FHIT: variants seen among roughly 807,000 people sequenced by gnomAD.
FHIT encodes fragile histidine triad diadenosine triphosphatase.
A neutral mutation model predicts 17.9 loss-of-function variants in FHIT; 19 were observed. That is an observed-to-expected ratio of 1.06 (90% CI 0.74 to 1.56). The LOEUF is 1.56. Among genes scored for constraint, FHIT ranks in the 40% most tolerant of loss-of-function variants. The pLI, the probability that FHIT is intolerant of heterozygous loss-of-function variation, is 0.00. For synonymous variants in FHIT, 81 were observed against 69.7 expected (o/e 1.16, Z -0.81); for missense variants, 248 against 189.2 (o/e 1.31, Z -1.82).
intron 5 of FHIT, among the ~76,000 whole-genome samples, chr3:60,173,737 G>A (rs1030173290): frequency 6.6e-6 from 1 of 151,330 alleles, no homozygotes; most frequent in African/African-American, 2.4e-5. Flanking sequence ...GGACTCTGTG[G>A]GGTCAGGAGG....
At chr3:60,441,362 G>A (rs1434580211) in intron 5 of FHIT, among the ~76,000 whole-genome samples, 1 of 151,978 alleles carries the variant, frequency 6.6e-6, no homozygotes, top group African/African-American at 2.4e-5. Flanking sequence ...ATTCTTGGAA[G>A]TTATGTTCTC....
intron 5 of FHIT, among the ~76,000 whole-genome samples, chr3:60,226,110 G>A (rs530228612): frequency 6.6e-6 from 1 of 152,076 alleles, no homozygotes; most frequent in Non-Finnish European, 1.5e-5. Context: ...AATCCATTTG[G>A]GGAAGAAGGT....
At chr3:60,570,753 A>AAC (rs748665363) in intron 4 of FHIT, among the ~76,000 whole-genome samples, 157 of 151,326 alleles carry the variant, frequency 1.0e-3, no homozygotes, top group Non-Finnish European at 1.5e-3. Flanking sequence ...AAAAAAAAAA[A>AAC]AACTATCTCA....
intron 5 of FHIT, among the ~76,000 whole-genome samples, chr3:60,434,691 A>C (rs763546160): frequency 4.2e-4 from 64 of 152,130 alleles, no homozygotes; most frequent in Admixed American, 2.3e-3. Flanking sequence ...ACCGTAGATA[A>C]ATGCCTGCTT....
At chr3:60,169,118 C>T (rs535046524) in intron 5 of FHIT, among the ~76,000 whole-genome samples, 1 of 152,322 alleles carries the variant, frequency 6.6e-6, no homozygotes, top group South Asian at 2.1e-4. Context: ...ATGCTATCAG[C>T]TAGAAAGACT....
At chr3:60,187,423 C>T (rs1410886822) in intron 5 of FHIT, among the ~76,000 whole-genome samples, 3 of 152,266 alleles carry the variant, frequency 2.0e-5, no homozygotes, top group East Asian at 3.9e-4. Flanking sequence ...TGGAGGGAAA[C>T]TCTTGGATTG....
chr3:60,706,808 T>A (rs1298664309), intron 4 of FHIT, among the ~76,000 whole-genome samples: 1 of 152,216 alleles, frequency 6.6e-6, no homozygotes, highest in African/African-American at 2.4e-5. Context: ...TTCAACAACA[T>A]CAAAAAGCCA....
At chr3:60,747,954 G>A (rs567378072) in intron 4 of FHIT, among the ~76,000 whole-genome samples, 1 of 152,312 alleles carries the variant, frequency 6.6e-6, no homozygotes, top group African/African-American at 2.4e-5. Context: ...GCATCTCAGT[G>A]TAATGTATGT....
At chr3:60,526,334 T>C (rs570775525) in intron 5 of FHIT, among the ~76,000 whole-genome samples, 1 of 152,122 alleles carries the variant, frequency 6.6e-6, no homozygotes, top group East Asian at 1.9e-4. Context: ...GACAGCCATG[T>C]CTCCCTTTTA....
chr3:60,523,633 G>C (rs1242119652), intron 5 of FHIT, among the ~76,000 whole-genome samples: 1 of 152,144 alleles, frequency 6.6e-6, no homozygotes, highest in African/African-American at 2.4e-5. Context: ...CCTGAGGAAG[G>C]CAAGACAGTG....
At chr3:60,276,834 T>A (rs1280104769) in intron 5 of FHIT, among the ~76,000 whole-genome samples, 1 of 151,796 alleles carries the variant, frequency 6.6e-6, no homozygotes, top group Non-Finnish European at 1.5e-5. Context: ...GTAGAGGAAG[T>A]CCCAGCCTCT....
chr3:60,406,039 T>C (rs888765708), intron 5 of FHIT, among the ~76,000 whole-genome samples: 1 of 152,148 alleles, frequency 6.6e-6, no homozygotes, highest in Non-Finnish European at 1.5e-5. Context: ...TTATTAGATA[T>C]TTGTAGTAAT....
At chr3:61,014,078 C>T (rs2031943602) in intron 3 of FHIT, among the ~76,000 whole-genome samples, 1 of 152,136 alleles carries the variant, frequency 6.6e-6, no homozygotes, top group African/African-American at 2.4e-5. Context: ...AGAATACCCA[C>T]ACTCTGCATG....
At chr3:59,812,264 T>A (rs962234890) in intron 8 of FHIT, among the ~76,000 whole-genome samples, 1 of 152,198 alleles carries the variant, frequency 6.6e-6, no homozygotes, top group South Asian at 2.1e-4. Flanking sequence ...AAACAGGGTC[T>A]GAGGCCCTCC....
intron 2 of FHIT, among the ~76,000 whole-genome samples, chr3:61,095,189 A>G (rs1292679483): frequency 6.6e-6 from 1 of 152,216 alleles, no homozygotes; most frequent in East Asian, 1.9e-4. Flanking sequence ...CAGAGGATCC[A>G]CTAATTCTGA....
intron 4 of FHIT, among the ~76,000 whole-genome samples, chr3:60,807,329 T>C (rs1316225973): frequency 6.6e-6 from 1 of 151,986 alleles, no homozygotes; most frequent in Non-Finnish European, 1.5e-5. Context: ...ACTAAAATAT[T>C]TTCTAGGCTG....
chr3:60,082,239 C>T (rs1576057476), intron 5 of FHIT, among the ~76,000 whole-genome samples: 1 of 124,402 alleles, frequency 8.0e-6, no homozygotes, highest in East Asian at 2.1e-4. Context: ...GTTTTCTGTT[C>T]CTGTGTTAAT....
chr3:60,764,977 T>C (rs947736252), intron 4 of FHIT, among the ~76,000 whole-genome samples: 3 of 152,192 alleles, frequency 2.0e-5, no homozygotes, highest in Non-Finnish European at 4.4e-5. Flanking sequence ...ATCAGATATT[T>C]ACCTCAGTGG....
At chr3:61,158,990 C>A (rs185298952) in intron 2 of FHIT, among the ~76,000 whole-genome samples, 2,958 of 152,300 alleles carry the variant, frequency 0.019, 120 homozygotes, top group Admixed American at 0.1. Flanking sequence ...AAATCCAGCA[C>A]TGCTGCTAAT....
Sources: gnomAD v4.1 joint callset for allele counts (sites outside exome capture counted in the v4.1 genomes callset) on GRCh38, gnomAD v4.1.1 for gene constraint, MANE v1.5 for transcripts, NCBI Gene and HGNC (gene_info 2026-07-23, HGNC 2026-07-21) for gene names.